Variants in ACSS3 observed in about 807,000 individuals in gnomAD.
The protein encoded by ACSS3 is acyl-CoA synthetase short chain family member 3.
A neutral mutation model predicts 84.2 loss-of-function variants in ACSS3; 64 were observed. The ratio of observed to expected loss-of-function variants is 0.76; its 90% CI spans 0.62 to 0.94. The LOEUF (loss-of-function observed/expected upper bound fraction) is 0.94. Among genes scored for constraint, ACSS3 ranks in the 40% least tolerant of loss-of-function variants. ACSS3 has a pLI of 0.00. For missense variants in ACSS3, 815 were observed against 867.6 expected (o/e 0.94, Z 0.76); for synonymous variants, 317 against 310.1 (o/e 1.02, Z -0.23).
At chr12:81,118,569 G>T (rs1436541902) in intron 2 of ACSS3, among the ~76,000 whole-genome samples, 1 of 152,008 alleles carries the variant, frequency 6.6e-6, no homozygotes, top group African/African-American at 2.4e-5. Context: ...TGGGGAGTTA[G>T]GAGTTCCTGC....
chr12:81,119,945 G>A (rs976133477), intron 2 of ACSS3, among the ~76,000 whole-genome samples: 5 of 152,228 alleles, frequency 3.3e-5, no homozygotes, highest in Middle Eastern at 3.4e-3. Context: ...AGTCATAAAC[G>A]TCCATGAAAT....
rs2136048444 is a variant in ACSS3, at chr12:81,259,475, T to G, written c.*4553T>G. 1 of 690,000 alleles carries G rather than the reference T, an allele frequency of 1.4e-6. No homozygotes were observed. Among genetic ancestry groups the G allele is most frequent in the East Asian group, 2.7e-5 (1 of 36,474 alleles). 42.7% of individuals were successfully genotyped at this position (690,000 alleles called of 1,614,324 possible). ...GTTTATTATTCAAATGACTTAAGCA[T>G]TTTATTACAATTTGTAGTAAACTAA... is the stretch of plus-strand genomic sequence containing the variant. On this transcript the variant is annotated 3_prime_UTR_variant, in exon 16 of 16. Coordinates refer to ENST00000548058, the MANE Select transcript of ACSS3 (RefSeq NM_024560.4).
chr12:81,241,780 G>T (rs1407474649), intron 13 of ACSS3, among the ~76,000 whole-genome samples: 1 of 151,956 alleles, frequency 6.6e-6, no homozygotes, highest in South Asian at 2.1e-4. Context: ...CTCCCATTTT[G>T]TGGGTTGCCT....
chr12:81,208,604 T>C (rs2032449872), intron 9 of ACSS3, among the ~76,000 whole-genome samples: 1 of 152,134 alleles, frequency 6.6e-6, no homozygotes, highest in Admixed American at 6.6e-5. Context: ...GGATCATCAG[T>C]TTAGTGCTCC....
chr12:81,243,228 G>T (rs557467403), intron 13 of ACSS3, among the ~76,000 whole-genome samples: 110 of 152,246 alleles, frequency 7.2e-4, no homozygotes, highest in Middle Eastern at 3.4e-3. Flanking sequence ...GACAAACAGA[G>T]AGCCAAATCA....
chr12:81,151,934 G>GT lies in ACSS3; in HGVS notation c.1002+14dup. On this transcript the variant is annotated intron_variant, in intron 6 of 15. Coordinates refer to ENST00000548058, the MANE Select transcript of ACSS3 (RefSeq NM_024560.4). ...ACTTCAACCCGGAGAGGTAATCGTG[G>GT]TTTTAAATTTACATTACATGACATT... The GT allele has an allele frequency of 5.6e-6, 9 of 1,613,654 alleles. No homozygotes were observed. The highest frequency in any genetic ancestry group is 5.9e-6 in the Non-Finnish European group (7 of 1,179,820).
intron 1 of ACSS3, among the ~76,000 whole-genome samples, chr12:81,092,251 T>C (rs1490728447): frequency 6.6e-6 from 1 of 152,164 alleles, no homozygotes; most frequent in Non-Finnish European, 1.5e-5. Flanking sequence ...GACCAGGCAC[T>C]ATTCCAGGTG....
rs376484738 is a variant in ACSS3 at position 81,199,328 on chromosome 12, G to A, written c.1251-13G>A. 8.8e-6 allele frequency: 14 copies of A among 1,593,572 alleles called. No individual in the cohort carries two copies. The African/African-American group carries it at 1.8e-4, about 20-fold the overall frequency. ...TTTCCAGGAATAATTTGAATTCACT[G>A]TCTCATATTCAGGTTCAAAACATTA... On this transcript the variant is annotated splice_polypyrimidine_tract_variant and intron_variant, in intron 8 of 15. Coordinates refer to ENST00000548058, the MANE Select transcript of ACSS3 (RefSeq NM_024560.4).
At chr12:81,171,013 A>G (rs542854621) in intron 7 of ACSS3, among the ~76,000 whole-genome samples, 2 of 152,236 alleles carry the variant, frequency 1.3e-5, no homozygotes, top group Admixed American at 6.5e-5. Flanking sequence ...AGGTACTGAG[A>G]ACATATAAGT....
At chr12:81,237,281 T>G (rs1010617294) in intron 13 of ACSS3, among the ~76,000 whole-genome samples, 1 of 151,548 alleles carries the variant, frequency 6.6e-6, no homozygotes, top group Non-Finnish European at 1.5e-5. Context: ...ACAGATAAAT[T>G]AAAGTTTTAT....
chr12:81,091,970 C>T (rs1040820992), intron 1 of ACSS3, among the ~76,000 whole-genome samples: 4 of 152,078 alleles, frequency 2.6e-5, no homozygotes, highest in Non-Finnish European at 5.9e-5. Flanking sequence ...AAAAAACAGA[C>T]TTACTATGCT....
intron 7 of ACSS3, among the ~76,000 whole-genome samples, chr12:81,171,500 C>A (rs895264108): frequency 1.3e-5 from 2 of 151,920 alleles, no homozygotes; most frequent in Non-Finnish European, 2.9e-5. Flanking sequence ...GGGGAATGGA[C>A]AATAAAACAC....
At chr12:81,230,854 A>G (rs180843699) in intron 11 of ACSS3, among the ~76,000 whole-genome samples, 1 of 151,962 alleles carries the variant, frequency 6.6e-6, no homozygotes, top group East Asian at 2.0e-4. Flanking sequence ...CAGAGACTAA[A>G]GTCATTCTTC....
intron 2 of ACSS3, among the ~76,000 whole-genome samples, chr12:81,131,887 TG>T (rs1345509529): frequency 5.3e-5 from 8 of 152,278 alleles, no homozygotes; most frequent in African/African-American, 1.4e-4. Flanking sequence ...GAGATAATCA[TG>T]TGGTTTTTGT....
At chr12:81,110,035 A>G (rs1216453180) in intron 2 of ACSS3, among the ~76,000 whole-genome samples, 1 of 152,180 alleles carries the variant, frequency 6.6e-6, no homozygotes, top group Non-Finnish European at 1.5e-5. Context: ...TGTACTATTG[A>G]AACAGTCTTC....
chr12:81,166,780 T>C (rs904955396), intron 7 of ACSS3, among the ~76,000 whole-genome samples: 31 of 152,224 alleles, frequency 2.0e-4, no homozygotes, highest in African/African-American at 7.0e-4. Flanking sequence ...AAGAATTGGA[T>C]GTTATGGAGG....
chr12:81,107,511 CATATATATAT>C (rs566270568), intron 1 of ACSS3, among the ~76,000 whole-genome samples: 482 of 38,818 alleles, frequency 0.012, 11 homozygotes, highest in Non-Finnish European at 0.016. Flanking sequence ...CAAATATATA[CATATATATAT>C]ATATATATAT....
chr12:81,177,092 A>G (rs2030541149), intron 8 of ACSS3, among the ~76,000 whole-genome samples: 1 of 152,230 alleles, frequency 6.6e-6, no homozygotes, highest in Non-Finnish European at 1.5e-5. Flanking sequence ...TAGATGCAGA[A>G]AATGACATAA....
Position 81,233,424 on chromosome 12 carries a change from G to A in ACSS3, c.1672G>A (p.Val558Ile), listed in dbSNP as rs2033529313. The change falls in exon 13 of 16, where the codon GTA (valine) becomes ATA (isoleucine). Residue 558 changes from valine (V) to isoleucine (I), a missense_variant. Coordinates refer to ENST00000548058, the MANE Select transcript of ACSS3 (RefSeq NM_024560.4). Reference sequence around the variant, plus strand: ...GTATGTTATGTCTCGAGTGGATGATGTAATAAATGTTGCAGGTCACAGAAT... The same window carrying A: ...GTATGTTATGTCTCGAGTGGATGATATAATAAATGTTGCAGGTCACAGAAT... ...YLYVMSRVDD[V>I]INVAGHRISA... The A allele has an allele frequency of 6.2e-7, 1 of 1,611,142 alleles. No individual in the cohort carries two copies. Among genetic ancestry groups the A allele is most frequent in the Non-Finnish European group, 8.5e-7 (1 of 1,177,998 alleles).
Sources: allele counts gnomAD v4.1 joint callset (sites outside exome capture counted in the v4.1 genomes callset), GRCh38; gene constraint gnomAD v4.1.1; transcripts MANE v1.5; gene names NCBI Gene and HGNC (gene_info 2026-07-23, HGNC 2026-07-21).